The following MDGA2 variants were observed in gnomAD, a reference collection of about 807,000 sequenced individuals.
The protein encoded by MDGA2 is MAM domain-containing glycosylphosphatidylinositol anchor protein 2.
Under a neutral mutation model 117.8 loss-of-function variants are expected in MDGA2, and 40 were observed. That is an observed-to-expected ratio of 0.34 (90% CI 0.26 to 0.44). MDGA2 has a LOEUF of 0.44. Ranked by LOEUF, MDGA2 falls within the 20% of genes least tolerant of loss-of-function variation. The pLI is 1.00. For missense variants in MDGA2, 1,123 were observed against 1,250.6 expected (o/e 0.90, Z 1.54); for synonymous variants, 452 against 439.0 (o/e 1.03, Z -0.37).
At chr14:47,588,239 T>TAGATAG (rs1458847329) in intron 1 of MDGA2, among the ~76,000 whole-genome samples, 1 of 87,318 alleles carries the variant, frequency 1.1e-5, no homozygotes, top group African/African-American at 4.6e-5. Context: ...GATAGATAGA[T>TAGATAG]ATATATATAT....
intron 6 of MDGA2, among the ~76,000 whole-genome samples, chr14:47,066,090 T>A (rs997480648): frequency 2.0e-5 from 3 of 152,182 alleles, no homozygotes; most frequent in African/African-American, 7.2e-5. Context: ...ATAGGTTACA[T>A]CAGCAAAGCA....
chr14:46,987,439 T>C (rs1190844817), intron 8 of MDGA2, among the ~76,000 whole-genome samples: 3 of 152,116 alleles, frequency 2.0e-5, no homozygotes, highest in Non-Finnish European at 4.4e-5. Flanking sequence ...GAGCTACTCT[T>C]TATCAGAAAC....
At chr14:47,326,832 G>C (rs919225006) in intron 1 of MDGA2, among the ~76,000 whole-genome samples, 1 of 152,058 alleles carries the variant, frequency 6.6e-6, no homozygotes, top group South Asian at 2.1e-4. Flanking sequence ...GTTAAATAAT[G>C]TATTGTTCCT....
intron 1 of MDGA2, among the ~76,000 whole-genome samples, chr14:47,403,089 C>T (rs1233841074): frequency 2.0e-5 from 3 of 152,170 alleles, no homozygotes; most frequent in Admixed American, 6.5e-5. Flanking sequence ...CTCTAGCGTC[C>T]ATGCTGAGTG....
At chr14:47,383,821 G>T (rs981561486) in intron 1 of MDGA2, among the ~76,000 whole-genome samples, 2 of 152,006 alleles carry the variant, frequency 1.3e-5, no homozygotes, top group African/African-American at 2.4e-5. Context: ...CACCACACCC[G>T]GACGGTTCAT....
chr14:47,540,332 G>T (rs1895318547), intron 1 of MDGA2, among the ~76,000 whole-genome samples: 1 of 151,810 alleles, frequency 6.6e-6, no homozygotes, highest in Non-Finnish European at 1.5e-5. Context: ...ATTTTAAAGT[G>T]ACTCAAGTGG....
intron 1 of MDGA2, among the ~76,000 whole-genome samples, chr14:47,449,762 C>T (rs1893201680): frequency 6.6e-6 from 1 of 152,088 alleles, no homozygotes; most frequent in Non-Finnish European, 1.5e-5. Context: ...CATCGACCAA[C>T]TTTTTTATGC....
At chr14:47,447,955 T>C (rs1823597858) in intron 1 of MDGA2, among the ~76,000 whole-genome samples, 1 of 151,964 alleles carries the variant, frequency 6.6e-6, no homozygotes, top group Admixed American at 6.6e-5. Flanking sequence ...CTAAAACGCT[T>C]GTATTTTCCT....
rs1882613270 is a variant in MDGA2 at position 46,884,904 on chromosome 14, T to G, written c.2239-2683A>C. 6.6e-6 allele frequency among the ~76,000 whole-genome samples: 1 copy of G among 151,932 alleles called. No homozygotes were observed. The highest frequency in any genetic ancestry group is 1.5e-5 in the Non-Finnish European group (1 of 68,000). On this transcript the variant is annotated intron_variant, in intron 10 of 16. Coordinates refer to ENST00000399232, the MANE Select transcript of MDGA2 (RefSeq NM_001113498.3). This position sits in a 1 kb window ranked among gnomAD's most constrained non-coding sequence, Gnocchi z 4.1. ...CTCTGTCACCTAGGCTGGAGTACAA[T>G]GATGCTATCTCGGCTCACTGCAACC...
rs181012444 is a variant in MDGA2 at position 47,505,426 on chromosome 14, C to T, written c.280+169091G>A. Among the ~76,000 whole-genome samples, 99 of 152,228 alleles carry T rather than the reference C, an allele frequency of 6.5e-4. 1 individual carries two copies. Among genetic ancestry groups the T allele is most frequent in the Middle Eastern group, 3.4e-3 (1 of 294 alleles). On this transcript the variant is annotated intron_variant, in intron 1 of 16. Transcript: ENST00000399232. ...ACTAACTACCCTGACTGACTCATTA[C>T]ACAACATAGATCTGTATAAAAACAT... is the stretch of plus-strand genomic sequence containing the variant.
At chr14:47,437,422 C>A (rs1892921343) in intron 1 of MDGA2, among the ~76,000 whole-genome samples, 2 of 152,056 alleles carry the variant, frequency 1.3e-5, no homozygotes, top group Admixed American at 1.3e-4. Flanking sequence ...CATTTCATAT[C>A]TTTGATATAT....
intron 4 of MDGA2, among the ~76,000 whole-genome samples, chr14:47,140,578 G>T (rs1481455292): frequency 6.6e-6 from 1 of 152,080 alleles, no homozygotes; most frequent in East Asian, 1.9e-4. Flanking sequence ...TCACATTAGG[G>T]AATGGACAAT....
At chr14:46,900,972 A>G (rs1260947350) in intron 10 of MDGA2, among the ~76,000 whole-genome samples, 2 of 152,100 alleles carry the variant, frequency 1.3e-5, no homozygotes, top group Non-Finnish European at 2.9e-5. Flanking sequence ...GTACATTTCT[A>G]TGTAACTTCC....
intron 7 of MDGA2, among the ~76,000 whole-genome samples, chr14:47,048,653 C>T (rs965673862): frequency 6.6e-5 from 10 of 151,994 alleles, no homozygotes; most frequent in African/African-American, 2.4e-4. Context: ...TGACATAAAA[C>T]GAAGCTGGCT....
chr14:47,414,188 C>G (rs1311360657), intron 1 of MDGA2, among the ~76,000 whole-genome samples: 2 of 152,258 alleles, frequency 1.3e-5, no homozygotes, highest in African/African-American at 4.8e-5. Context: ...AGCTACTTAT[C>G]CCAAATGCAA....
intron 1 of MDGA2, among the ~76,000 whole-genome samples, chr14:47,648,800 T>C: frequency 6.6e-6 from 1 of 152,160 alleles, no homozygotes; most frequent in East Asian, 1.9e-4. Flanking sequence ...TAAGAAAGTG[T>C]TCATAAAATC....
chr14:47,634,122 C>A (rs1325050981), intron 1 of MDGA2, among the ~76,000 whole-genome samples: 1 of 151,974 alleles, frequency 6.6e-6, no homozygotes, highest in African/African-American at 2.4e-5. Context: ...AAGGAATTCA[C>A]CTTAAATATA....
chr14:47,177,947 A>G (rs908194234), intron 3 of MDGA2, among the ~76,000 whole-genome samples: 9 of 152,170 alleles, frequency 5.9e-5, no homozygotes, highest in Admixed American at 1.3e-4. Flanking sequence ...AAAAATGCTT[A>G]GAGGATTAAC....
At chr14:47,659,816 A>G (rs1456180636) in intron 1 of MDGA2, among the ~76,000 whole-genome samples, 1 of 152,214 alleles carries the variant, frequency 6.6e-6, no homozygotes, top group Admixed American at 6.5e-5. Context: ...GAAATCTATT[A>G]AACTCTTATG....
Sources: gnomAD v4.1 joint callset for allele counts (sites outside exome capture counted in the v4.1 genomes callset) on GRCh38, gnomAD v4.1.1 for gene constraint, Gnocchi (gnomAD v3.1) non-coding constraint, MANE v1.5 for transcripts, NCBI Gene and HGNC (gene_info 2026-07-23, HGNC 2026-07-21) for gene names.